THRB: variants seen among roughly 807,000 people sequenced by gnomAD.
THRB encodes nuclear receptor subfamily 1 group A member 2.
In THRB, 12 loss-of-function variants were observed where a neutral mutation model predicts 47.8. The observed-to-expected ratio is 0.25, with a 90% CI of 0.16 to 0.41. The LOEUF (loss-of-function observed/expected upper bound fraction) is 0.41. THRB is among the 10% of genes least tolerant of loss of function. The probability of loss-of-function intolerance (pLI) is 1.00; values close to 1 mark genes in which losing one functional copy is unlikely to be tolerated. For synonymous variants in THRB, 218 were observed against 212.2 expected (o/e 1.03, Z -0.24); for missense variants, 348 against 589.2 (o/e 0.59, Z 4.24).
At chr3:24,255,236 C>A (rs2051134864) in intron 3 of THRB, among the ~76,000 whole-genome samples, 1 of 152,192 alleles carries the variant, frequency 6.6e-6, no homozygotes, top group Admixed American at 6.5e-5. Context: ...TGTATCTACT[C>A]TTCCCTCCCT....
chr3:24,184,808 G>A (rs2042367171), intron 5 of THRB, among the ~76,000 whole-genome samples: 1 of 152,152 alleles, frequency 6.6e-6, no homozygotes, highest in African/African-American at 2.4e-5. Context: ...GAGATGGATG[G>A]AGCAGATGGT....
intron 1 of THRB, among the ~76,000 whole-genome samples, chr3:24,397,663 C>T (rs1043422805): frequency 2.0e-5 from 3 of 146,398 alleles, no homozygotes; most frequent in Non-Finnish European, 4.5e-5. Flanking sequence ...TGCAGTGGTG[C>T]TATCTGCCTC....
At chr3:24,139,324 T>G (rs1324728576) in intron 8 of THRB, among the ~76,000 whole-genome samples, 1 of 152,162 alleles carries the variant, frequency 6.6e-6, no homozygotes. Flanking sequence ...AAATATAGAT[T>G]TAAAATCCAG....
chr3:24,478,256 T>C (rs559522202), intron 1 of THRB, among the ~76,000 whole-genome samples: 76 of 152,272 alleles, frequency 5.0e-4, no homozygotes, highest in African/African-American at 1.7e-3. Flanking sequence ...TTTTTAGTTT[T>C]GAGGAAGCTA....
At chr3:24,184,447 A>T (rs1263553048) in intron 5 of THRB, among the ~76,000 whole-genome samples, 1 of 152,204 alleles carries the variant, frequency 6.6e-6, no homozygotes, top group Non-Finnish European at 1.5e-5. Context: ...TGTGCATCTC[A>T]ACGAAAACTG....
At chr3:24,274,722 A>G (rs1290867214) in intron 3 of THRB, among the ~76,000 whole-genome samples, 2 of 152,148 alleles carry the variant, frequency 1.3e-5, no homozygotes, top group African/African-American at 4.8e-5. Context: ...TATTTGGTTC[A>G]CTACCTCAAT....
At chr3:24,275,273 C>G (rs2053792074) in intron 3 of THRB, among the ~76,000 whole-genome samples, 1 of 152,132 alleles carries the variant, frequency 6.6e-6, no homozygotes, top group South Asian at 2.1e-4. Flanking sequence ...AAAAAATGCT[C>G]TGTGCATTTT....
At chr3:24,324,053 C>T (rs958696) in intron 2 of THRB, among the ~76,000 whole-genome samples, 47,140 of 152,056 alleles carry the variant, frequency 0.31, 7,706 homozygotes, top group Admixed American at 0.41. Flanking sequence ...TCCCCAGCCA[C>T]CTTGGATACC....
rs191040295 is a variant in THRB at position 24,172,063 on chromosome 3, G to A, written c.283+18011C>T. ...TGGAGATTCACACACACACAACTTTGAATGACTTTGTATAACAGCATTTCC... is the reference window on the plus strand; with the variant it reads ...TGGAGATTCACACACACACAACTTTAAATGACTTTGTATAACAGCATTTCC... On this transcript the variant is annotated intron_variant, in intron 5 of 10. Transcript: ENST00000646209. Among the ~76,000 whole-genome samples, 705 of 152,258 alleles carry A rather than the reference G, an allele frequency of 4.6e-3. 1 individual carries two copies. The highest frequency in any genetic ancestry group is 7.6e-3 in the Non-Finnish European group (519 of 68,010).
chr3:24,482,865 T>C (rs1237804975), intron 1 of THRB, among the ~76,000 whole-genome samples: 1 of 152,212 alleles, frequency 6.6e-6, no homozygotes, highest in Non-Finnish European at 1.5e-5. Flanking sequence ...TTCTTAATAT[T>C]GCAAGTTTCC....
At chr3:24,492,619 G>T (rs1055314308) in intron 1 of THRB, among the ~76,000 whole-genome samples, 1 of 152,154 alleles carries the variant, frequency 6.6e-6, no homozygotes, top group Non-Finnish European at 1.5e-5. Flanking sequence ...AAAACCCCAG[G>T]AGAGGAAAGG....
intron 1 of THRB, among the ~76,000 whole-genome samples, chr3:24,470,857 T>A (rs1323046323): frequency 1.3e-5 from 2 of 152,212 alleles, no homozygotes; most frequent in Non-Finnish European, 2.9e-5. Flanking sequence ...CCTCAAGTGA[T>A]CAGCCTGCCT....
intron 5 of THRB, among the ~76,000 whole-genome samples, chr3:24,188,777 C>T (rs1035919863): frequency 1.4e-4 from 21 of 149,910 alleles, no homozygotes; most frequent in African/African-American, 3.9e-4. Flanking sequence ...CACACACATA[C>T]GTCCTACATC....
At chr3:24,156,769 C>CTGAT (rs1165538040) in intron 5 of THRB, among the ~76,000 whole-genome samples, 1 of 152,182 alleles carries the variant, frequency 6.6e-6, no homozygotes, top group Non-Finnish European at 1.5e-5. Flanking sequence ...AGTCACTCTT[C>CTGAT]TGATTTTATA....
At chr3:24,229,956 A>G (rs2048086337) in intron 3 of THRB, among the ~76,000 whole-genome samples, 1 of 152,180 alleles carries the variant, frequency 6.6e-6, no homozygotes, top group African/African-American at 2.4e-5. Flanking sequence ...CTTCAGTGTA[A>G]GATGAGGAAA....
At chr3:24,454,693 C>G (rs2073000881) in intron 1 of THRB, among the ~76,000 whole-genome samples, 1 of 152,114 alleles carries the variant, frequency 6.6e-6, no homozygotes, top group Non-Finnish European at 1.5e-5. Flanking sequence ...TATAATCTCT[C>G]TCTCTTCTCA....
intron 1 of THRB, among the ~76,000 whole-genome samples, chr3:24,353,733 T>G (rs752919753): frequency 2.0e-5 from 3 of 152,144 alleles, no homozygotes; most frequent in Non-Finnish European, 4.4e-5. Context: ...AAAACTCCTA[T>G]AAAACTTTGT....
intron 5 of THRB, among the ~76,000 whole-genome samples, chr3:24,169,391 G>C (rs78917135): frequency 6.6e-6 from 1 of 152,116 alleles, no homozygotes; most frequent in Admixed American, 6.6e-5. Context: ...TGGTCCATGA[G>C]AGTGAGGACT....
chr3:24,312,816 C>A (rs1279412602), intron 2 of THRB, among the ~76,000 whole-genome samples: 1 of 152,132 alleles, frequency 6.6e-6, no homozygotes, highest in Non-Finnish European at 1.5e-5. Context: ...TAATGGAAAA[C>A]CTTTAAAGAG....
Sources: gnomAD v4.1 joint callset for allele counts (sites outside exome capture counted in the v4.1 genomes callset) on GRCh38, gnomAD v4.1.1 for gene constraint, MANE v1.5 for transcripts, NCBI Gene and HGNC (gene_info 2026-07-23, HGNC 2026-07-21) for gene names.